Variants in DPP6 observed in about 807,000 individuals in gnomAD.
DPP6 encodes the protein dipeptidyl peptidase like 6.
DPP6 carries 69 observed loss-of-function variants against 122.6 expected under a neutral mutation model. The observed-to-expected ratio is 0.56, with a 90% CI of 0.46 to 0.69. The LOEUF is 0.69. Ranked by LOEUF, DPP6 falls within the 30% of genes least tolerant of loss-of-function variation. DPP6 has a pLI of 0.00. For missense variants in DPP6, 928 were observed against 1,116.9 expected (o/e 0.83, Z 2.41); for synonymous variants, 418 against 433.1 (o/e 0.97, Z 0.43).
At chr7:153,990,714 C>T (rs560555194) in intron 1 of DPP6, among the ~76,000 whole-genome samples, 10 of 152,000 alleles carry the variant, frequency 6.6e-5, no homozygotes, top group African/African-American at 1.7e-4. Context: ...ATGACTGTCC[C>T]CAGGTATTGC....
At chr7:154,343,070 A>G (rs1810071013) in intron 1 of DPP6, among the ~76,000 whole-genome samples, 1 of 152,230 alleles carries the variant, frequency 6.6e-6, no homozygotes, top group Admixed American at 6.5e-5. Flanking sequence ...ACTTGACCGT[A>G]GATTTGCTTC....
At chr7:154,796,227 G>A in intron 12 of DPP6, 1 of 241,584 alleles carries the variant, frequency 4.1e-6, no homozygotes, top group East Asian at 8.1e-5. Context: ...ATCTACTATA[G>A]TAAAAGGGTG....
intron 1 of DPP6, among the ~76,000 whole-genome samples, chr7:154,172,223 G>C (rs1797571536): frequency 6.6e-6 from 1 of 152,100 alleles, no homozygotes; most frequent in Non-Finnish European, 1.5e-5. Flanking sequence ...TTCTAGAAAT[G>C]AAACAAGGTT....
rs536608579 is a variant in DPP6 at position 153,891,421 on chromosome 7, TAATATACTAAGAGATA to T, written c.51+3693_51+3708del. ...ACCATGCCATATTCAATCTGTAATT[TAATATACTAAGAGATA>T]AATATTTTTTACTTGCTCGAAACAA... On this transcript the variant is annotated intron_variant, in intron 1 of 25. Transcript: ENST00000404039. Among the ~76,000 whole-genome samples the T allele has an allele frequency of 1.1e-3, 165 of 152,334 alleles. 1 individual carries two copies. The highest frequency in any genetic ancestry group is 6.8e-3 in the Admixed American group (104 of 15,304).
At chr7:153,801,030 A>T in the DPP6 span, among the ~76,000 whole-genome samples, 1 of 151,604 alleles carries the variant, frequency 6.6e-6, no homozygotes, top group Non-Finnish European at 1.5e-5. Context: ...TCTATTGCTT[A>T]GTTTAAGCTG....
At chr7:154,811,780 C>T (rs1300489887) in intron 16 of DPP6, among the ~76,000 whole-genome samples, 1 of 152,192 alleles carries the variant, frequency 6.6e-6, no homozygotes, top group African/African-American at 2.4e-5. Context: ...TGTCCTGTTT[C>T]CTTCACACCC....
At chr7:154,060,727 A>ACCCCC (rs1251236874) in intron 1 of DPP6, among the ~76,000 whole-genome samples, 4 of 81,042 alleles carry the variant, frequency 4.9e-5, no homozygotes, top group African/African-American at 1.6e-4. Flanking sequence ...GGGGGGAGGC[A>ACCCCC]CCCCCCGCGA....
intron 1 of DPP6, among the ~76,000 whole-genome samples, chr7:154,121,360 G>T (rs1357444407): frequency 3.3e-5 from 5 of 152,230 alleles, no homozygotes; most frequent in South Asian, 4.1e-4. Context: ...CAGAGTGTAG[G>T]TTGTGGATTC....
At chr7:154,170,264 A>G (rs1316377644) in intron 1 of DPP6, among the ~76,000 whole-genome samples, 1 of 152,066 alleles carries the variant, frequency 6.6e-6, no homozygotes, top group Non-Finnish European at 1.5e-5. Flanking sequence ...CTCCTTATAG[A>G]CCATTGCCCG....
At chr7:154,629,935 A>G (rs1835305958) in intron 5 of DPP6, among the ~76,000 whole-genome samples, 1 of 152,180 alleles carries the variant, frequency 6.6e-6, no homozygotes, top group Non-Finnish European at 1.5e-5. Flanking sequence ...GAGAGTAGAA[A>G]AGTAAGAGTT....
chr7:154,226,220 G>A lies in DPP6; in HGVS notation c.243+173157G>A, dbSNP rs2150839876. 2.0e-5 allele frequency among the ~76,000 whole-genome samples: 3 copies of A among 152,312 alleles called. No individual in the cohort carries two copies. In the South Asian group the frequency reaches 6.2e-4, roughly 32 times the overall value. On this transcript the variant is annotated intron_variant, in intron 1 of 25. Coordinates refer to ENST00000377770, the MANE Select transcript of DPP6 (RefSeq NM_130797.4). ...GTCCTCACCAAATGGCATCATGTCT[G>A]CAAGGTGCTCTTTCAGAAATTCCAG...
Position 154,073,195 on chromosome 7 carries a change from G to A in DPP6, c.243+20132G>A, listed in dbSNP as rs181688818. On this transcript the variant is annotated intron_variant, in intron 1 of 25. Transcript: ENST00000377770. ...AGCATGTTCCTTCGTGCCCTGGGCG[G>A]CCTCTCTGACAGCCCTGACTCTGGT... Among the ~76,000 whole-genome samples the A allele has an allele frequency of 1.8e-4, 28 of 152,364 alleles. No homozygotes were observed. In the East Asian group the frequency reaches 4.2e-3, roughly 23 times the overall value.
At chr7:154,233,955 A>G (rs1257338559) in intron 1 of DPP6, among the ~76,000 whole-genome samples, 1 of 152,226 alleles carries the variant, frequency 6.6e-6, no homozygotes, top group Non-Finnish European at 1.5e-5. Context: ...TCAGCCTCAT[A>G]GAAAAATTGA....
chr7:153,930,440 CTATTG>C lies in DPP6; in HGVS notation c.51+42726_51+42730del, dbSNP rs370594648. ...TGATGTTCTCAGCAGGATATGGCTC[CTATTG>C]TATTGTATTGTATTGTATTATATTT... On this transcript the variant is annotated intron_variant, in intron 1 of 25. Transcript: ENST00000404039. 3.9e-3 allele frequency among the ~76,000 whole-genome samples: 586 copies of C among 152,144 alleles called. 5 individuals are homozygous for C. The highest frequency in any genetic ancestry group is 0.013 in the African/African-American group (557 of 41,494).
chr7:154,881,729 C>G (rs1027343137), intron 21 of DPP6, among the ~76,000 whole-genome samples: 1 of 152,222 alleles, frequency 6.6e-6, no homozygotes. Context: ...CACTGGAGAC[C>G]CGGCCCTGCC....
At chr7:154,823,004 T>C (rs1408145407) in intron 16 of DPP6, among the ~76,000 whole-genome samples, 2 of 152,208 alleles carry the variant, frequency 1.3e-5, no homozygotes, top group Non-Finnish European at 2.9e-5. Flanking sequence ...TGCACTACCA[T>C]ACTATACTTT....
chr7:154,179,464 AG>A (rs1038955701), intron 1 of DPP6, among the ~76,000 whole-genome samples: 2 of 152,172 alleles, frequency 1.3e-5, no homozygotes, highest in East Asian at 3.8e-4. Context: ...TTGATATTCT[AG>A]GGATAAATTC....
chr7:154,505,653 C>G (rs1031689622), intron 3 of DPP6, among the ~76,000 whole-genome samples: 2 of 152,148 alleles, frequency 1.3e-5, no homozygotes, highest in South Asian at 2.1e-4. Flanking sequence ...CATTTTCCCT[C>G]CTAAGTAGAC....
intron 1 of DPP6, among the ~76,000 whole-genome samples, chr7:153,899,515 C>G (rs140708948): frequency 6.6e-6 from 1 of 152,140 alleles, no homozygotes; most frequent in Admixed American, 6.5e-5. Context: ...TCAACTTGGC[C>G]GGAATGGTGG....
Sources: gnomAD v4.1 joint callset for allele counts (sites outside exome capture counted in the v4.1 genomes callset) on GRCh38, gnomAD v4.1.1 for gene constraint, MANE v1.5 for transcripts, NCBI Gene and HGNC (gene_info 2026-07-23, HGNC 2026-07-21) for gene names.